The following USP54 variants were observed in gnomAD, a reference collection of about 807,000 sequenced individuals.
USP54 encodes the protein ubiquitin specific peptidase 54.
A neutral mutation model predicts 170.5 loss-of-function variants in USP54; 87 were observed. The ratio of observed to expected loss-of-function variants is 0.51; its 90% CI spans 0.43 to 0.61. The LOEUF is 0.61. USP54 is among the 20% of genes least tolerant of loss of function. The pLI, the probability that USP54 is intolerant of heterozygous loss-of-function variation, is 0.00. For missense variants in USP54, 1,786 were observed against 2,047.8 expected (o/e 0.87, Z 2.47); for synonymous variants, 655 against 742.8 (o/e 0.88, Z 1.92).
At chr10:73,561,866 T>C (rs1357761422) in intron 4 of USP54, among the ~76,000 whole-genome samples, 1 of 152,112 alleles carries the variant, frequency 6.6e-6, no homozygotes, top group African/African-American at 2.4e-5. Context: ...TGGAAAAAAG[T>C]AATCTTTTTA....
At chr10:73,588,616 C>T (rs1407800069) in intron 1 of USP54, among the ~76,000 whole-genome samples, 1 of 152,214 alleles carries the variant, frequency 6.6e-6, no homozygotes, top group Non-Finnish European at 1.5e-5. Context: ...TCTCTAATCC[C>T]ATCTATACAA....
chr10:73,530,169 T>C lies in USP54; in HGVS notation c.1802A>G (p.Gln601Arg), dbSNP rs1332049631. 4 of 1,613,480 alleles carry C rather than the reference T, an allele frequency of 2.5e-6. No homozygotes were observed. The highest frequency in any genetic ancestry group is 3.4e-6 in the Non-Finnish European group (4 of 1,179,860). Reference sequence around the variant, plus strand: ...TGAATCCTCAGAAAAGGGGCTAAGCTGGGTATAGCCACAGTGCTTCCTTTT... The same window carrying C: ...TGAATCCTCAGAAAAGGGGCTAAGCCGGGTATAGCCACAGTGCTTCCTTTT... ...KDKRKHCGYT[Q>R]LSPFSEDSAK... The change falls in exon 14 of 24, where the codon CAG becomes CGG. Residue 601 changes from glutamine to arginine, a missense_variant. Coordinates refer to ENST00000687698, the MANE Select transcript of USP54 (RefSeq NM_001391956.1).
intron 1 of USP54, among the ~76,000 whole-genome samples, chr10:73,588,717 C>A (rs954059101): frequency 1.3e-5 from 2 of 152,224 alleles, no homozygotes; most frequent in Non-Finnish European, 2.9e-5. Flanking sequence ...TGGCCTTCCA[C>A]AATCTTATCC....
At chr10:73,607,460 T>G (rs1392433010) in intron 1 of USP54, among the ~76,000 whole-genome samples, 1 of 152,142 alleles carries the variant, frequency 6.6e-6, no homozygotes, top group East Asian at 1.9e-4. Flanking sequence ...GTTTGAAGTC[T>G]GCATTAAGTT....
upstream of USP54, among the ~76,000 whole-genome samples, chr10:73,594,428 C>A (rs937354268): frequency 7.1e-6 from 1 of 140,608 alleles, no homozygotes; most frequent in Admixed American, 6.9e-5. Flanking sequence ...TTTTAAGAGA[C>A]AGGTTCTTCC....
At position 73,618,493 on chromosome 10, in the gene USP54, A is replaced by G. The variant is rs1196271300; in HGVS notation, c.-18+7074T>C. Reference sequence around the variant, plus strand: ...CACAGGGGCTCACGCCTGTAATCCCAGCACTTTGGGAGGATGAGGCGGGGT... The same window carrying G: ...CACAGGGGCTCACGCCTGTAATCCCGGCACTTTGGGAGGATGAGGCGGGGT... On this transcript the variant is annotated intron_variant, in intron 1 of 22. Coordinates refer to the USP54 transcript ENST00000339859. Among the ~76,000 whole-genome samples the G allele has an allele frequency of 4.7e-5, 7 of 150,404 alleles. No individual in the cohort carries two copies. In the South Asian group the frequency reaches 1.5e-3, roughly 31 times the overall value.
chr10:73,619,277 G>A (rs938220913), intron 1 of USP54, among the ~76,000 whole-genome samples: 1 of 150,130 alleles, frequency 6.7e-6, no homozygotes, highest in Non-Finnish European at 1.5e-5. Flanking sequence ...ACTCAGCCTG[G>A]AGCGCAGTAG....
At chr10:73,513,673 T>TATA (rs1297118147) in intron 20 of USP54, among the ~76,000 whole-genome samples, 8 of 152,170 alleles carry the variant, frequency 5.3e-5, no homozygotes, top group Admixed American at 5.2e-4. Context: ...AACAAAACTA[T>TATA]ATAGTACATG....
chr10:73,554,364 T>G (rs1394855969), intron 4 of USP54, among the ~76,000 whole-genome samples: 1 of 152,206 alleles, frequency 6.6e-6, no homozygotes, highest in Non-Finnish European at 1.5e-5. Flanking sequence ...TCATAATCAC[T>G]GCTTTCGCTA....
At chr10:73,562,521 T>C (rs1025115801) in intron 4 of USP54, among the ~76,000 whole-genome samples, 11 of 152,228 alleles carry the variant, frequency 7.2e-5, no homozygotes, top group African/African-American at 2.7e-4. Flanking sequence ...GGTTTTGATT[T>C]ATATATAAAT....
chr10:73,587,423 C>T (rs995898913), intron 1 of USP54, among the ~76,000 whole-genome samples: 3 of 151,642 alleles, frequency 2.0e-5, no homozygotes, highest in Non-Finnish European at 2.9e-5. Context: ...TGCAGTGAGC[C>T]GAGACTGCGC....
At chr10:73,515,869 G>A (rs538396158) in intron 20 of USP54, 1 of 145,770 alleles carries the variant, frequency 6.9e-6, no homozygotes, top group African/African-American at 2.6e-5. Context: ...TGTAACCTCT[G>A]CCTCCCGAAT....
rs2057493832 is a variant in USP54, at chr10:73,499,037, G to A, written c.4647C>T (p.Asn1549=). Residue 1549 remains asparagine, a synonymous_variant, in exon 24 of 24, where the codon AAC becomes AAT. Coordinates refer to ENST00000687698, the MANE Select transcript of USP54 (RefSeq NM_001391956.1). ...DNSWAPWSET[N]QHIGTRFLTT... ...TCAGGAATCTGGTCCCAATATGCTG[G>A]TTGGTCTCTGACCAGGGTGCCCAGG... The A allele has an allele frequency of 1.2e-6, 2 of 1,614,056 alleles. No homozygotes were observed. The highest frequency in any genetic ancestry group is 2.7e-5 in the African/African-American group (2 of 74,910).
At chr10:73,557,430 C>A (rs947010237) in intron 4 of USP54, among the ~76,000 whole-genome samples, 1 of 152,078 alleles carries the variant, frequency 6.6e-6, no homozygotes, top group Non-Finnish European at 1.5e-5. Flanking sequence ...AAGTGATTCT[C>A]CTGCCTCAGC....
At chr10:73,551,829 C>A (rs566076555) in intron 4 of USP54, among the ~76,000 whole-genome samples, 1 of 152,300 alleles carries the variant, frequency 6.6e-6, no homozygotes, top group East Asian at 1.9e-4. Context: ...CTATACAAAT[C>A]TGAAATTTAT....
chr10:73,535,507 T>A (rs2065042228), intron 11 of USP54, among the ~76,000 whole-genome samples: 1 of 152,160 alleles, frequency 6.6e-6, no homozygotes, highest in Admixed American at 6.5e-5. Context: ...AAGGGTAAAA[T>A]AATATTTCTT....
At chr10:73,608,767 CGT>C (rs944814112) in intron 1 of USP54, among the ~76,000 whole-genome samples, 1 of 152,006 alleles carries the variant, frequency 6.6e-6, no homozygotes. Context: ...CATGCTAGCG[CGT>C]GTCTGTAGTC....
intron 4 of USP54, among the ~76,000 whole-genome samples, chr10:73,547,365 C>A (rs530278244): frequency 2.0e-5 from 3 of 152,294 alleles, no homozygotes; most frequent in African/African-American, 7.2e-5. Flanking sequence ...CATGCCACTG[C>A]ACTCCAGCCC....
At chr10:73,545,360 AAAT>A (rs2067555593) in intron 5 of USP54, among the ~76,000 whole-genome samples, 175 bp downstream of exon 5, 1 of 152,202 alleles carries the variant, frequency 6.6e-6, no homozygotes, top group Non-Finnish European at 1.5e-5. Flanking sequence ...CCTAAAGGAA[AAAT>A]AATAACACAC....
Sources: gnomAD v4.1 joint callset for allele counts (sites outside exome capture counted in the v4.1 genomes callset) on GRCh38, gnomAD v4.1.1 for gene constraint, MANE v1.5 for transcripts, NCBI Gene and HGNC (gene_info 2026-07-23, HGNC 2026-07-21) for gene names.